Variants in SEPTIN2 observed in about 807,000 individuals in gnomAD.
SEPTIN2 encodes septin-2.
Under a neutral mutation model 46.5 loss-of-function variants are expected in SEPTIN2, and 34 were observed. The ratio of observed to expected loss-of-function variants is 0.73; its 90% CI spans 0.56 to 0.97. The LOEUF (loss-of-function observed/expected upper bound fraction) is 0.97, where lower values mean the gene tolerates loss of function less well. SEPTIN2 is among the 50% of genes least tolerant of loss of function. SEPTIN2 has a pLI of 0.00. For missense variants in SEPTIN2, 347 were observed against 448.4 expected, an observed-to-expected ratio of 0.77 and a Z score of 2.04; for synonymous variants, 175 against 153.4, an observed-to-expected ratio of 1.14 and a Z score of -1.04.
chr2:241,321,718 T>A (rs1259463637), intron 1 of SEPTIN2, among the ~76,000 whole-genome samples: 1 of 152,228 alleles, frequency 6.6e-6, no homozygotes, highest in Non-Finnish European at 1.5e-5. Flanking sequence ...TTTTGTTTCT[T>A]CTTGTTCCTT....
chr2:241,346,112 C>T (rs1007314100), intron 9 of SEPTIN2, 54 bp from the exon 10 acceptor site: 15 of 1,326,904 alleles, frequency 1.1e-5, no homozygotes, highest in Admixed American at 9.4e-5. Flanking sequence ...TTTTTTTTCT[C>T]ATGAGAATGT....
intron 1 of SEPTIN2, among the ~76,000 whole-genome samples, chr2:241,322,776 C>G (rs912799214): frequency 1.1e-4 from 16 of 152,134 alleles, no homozygotes; most frequent in African/African-American, 3.9e-4. Flanking sequence ...CTCTAGGAAA[C>G]TCCAGTGGGT....
chr2:241,331,249 C>CA (rs1292166792), intron 3 of SEPTIN2, among the ~76,000 whole-genome samples: 5 of 152,290 alleles, frequency 3.3e-5, no homozygotes, highest in South Asian at 2.1e-4. Context: ...TTAACAGTCA[C>CA]AAAAAATATT....
rs2078177212 is a variant in SEPTIN2 at position 241,327,429 on chromosome 2, TTGAA to T, written c.130+1319_130+1322del. ...GGAAAAGCTGGAAAAAAAAAAGAAATTGAATGTGCCCTCAGTGTCCTTTGGTACA... is the reference window on the plus strand; with the variant it reads ...GGAAAAGCTGGAAAAAAAAAAGAAATTGTGCCCTCAGTGTCCTTTGGTACA... On this transcript the variant is annotated intron_variant, in intron 3 of 12. Transcript: ENST00000391971. 7.3e-5 allele frequency among the ~76,000 whole-genome samples: 11 copies of T among 150,176 alleles called. No individual in the cohort carries two copies. The South Asian group carries it at 2.3e-3, about 32-fold the overall frequency.
At chr2:241,347,895 A>G (rs1328967608) in intron 10 of SEPTIN2, among the ~76,000 whole-genome samples, 1 of 152,134 alleles carries the variant, frequency 6.6e-6, no homozygotes, top group Non-Finnish European at 1.5e-5. Flanking sequence ...CGTGCCTGTA[A>G]TGCCAGTTAC....
chr2:241,317,786 T>C (rs1186247402), intron 1 of SEPTIN2, among the ~76,000 whole-genome samples: 2 of 152,210 alleles, frequency 1.3e-5, no homozygotes, highest in Non-Finnish European at 2.9e-5. Context: ...GTTCATCTTC[T>C]ATCTTTTGTT....
chr2:241,333,521 G>GTT (rs1400242328), intron 3 of SEPTIN2, among the ~76,000 whole-genome samples: 1 of 152,072 alleles, frequency 6.6e-6, no homozygotes, highest in Non-Finnish European at 1.5e-5. Context: ...GTTTTGTTTT[G>GTT]TTTTTTGAGA....
intron 7 of SEPTIN2, among the ~76,000 whole-genome samples, chr2:241,340,593 CT>C (rs1309652770): frequency 7.2e-5 from 11 of 152,122 alleles, no homozygotes; most frequent in Admixed American, 7.2e-4. Flanking sequence ...GGAACTTCAC[CT>C]TTTGTACTCT....
Position 241,335,221 on chromosome 2 carries a change from A to G in SEPTIN2, c.217+9A>G, listed in dbSNP as rs754481324. ...CATACCTGGAGCAGCAGGTAAAAACATTCTTATGTTACTGTAAGTGTAATT... is the reference window on the plus strand; with the variant it reads ...CATACCTGGAGCAGCAGGTAAAAACGTTCTTATGTTACTGTAAGTGTAATT... On this transcript the variant is annotated intron_variant, in intron 4 of 12. Coordinates refer to ENST00000391971, the MANE Select transcript of SEPTIN2 (RefSeq NM_004404.5). 10 of 1,611,352 alleles carry G rather than the reference A, an allele frequency of 6.2e-6. No individual in the cohort carries two copies. The highest frequency in any genetic ancestry group is 3.3e-5 in the Admixed American group (2 of 59,800).
chr2:241,345,567 G>A (rs2081909094), intron 9 of SEPTIN2, among the ~76,000 whole-genome samples: 2 of 152,154 alleles, frequency 1.3e-5, no homozygotes, highest in African/African-American at 4.8e-5. Context: ...ATTCTTGCCT[G>A]CTTTTAAGTA....
At chr2:241,344,772 A>G (rs554634002) in intron 9 of SEPTIN2, among the ~76,000 whole-genome samples, 2 of 152,324 alleles carry the variant, frequency 1.3e-5, no homozygotes, top group African/African-American at 2.4e-5. Flanking sequence ...TACTCTTGAA[A>G]AAAGAGGCTG....
intron 3 of SEPTIN2, among the ~76,000 whole-genome samples, chr2:241,334,338 A>AAATACGAAATTT (rs2079543549): frequency 6.6e-6 from 1 of 152,214 alleles, no homozygotes; most frequent in Non-Finnish European, 1.5e-5. Context: ...GCAATGAAGC[A>AAATACGAAATTT]GTGGGATTTG....
rs572131134 is a variant in SEPTIN2 at position 241,337,706 on chromosome 2, A to C, written c.510A>C (p.Ala170=). Residue 170 remains alanine (A), a synonymous_variant, in exon 7 of 13, where the codon GCA becomes GCC. Transcript: ENST00000391971. ...LKPLDVAFMK[A]IHNKVNIVPV... ...CCTTAGATGTGGCGTTTATGAAGGC[A>C]ATACACAACAAGGTGAATATTGTGC... 17 of 1,614,078 alleles carry C rather than the reference A, an allele frequency of 1.1e-5. No individual in the cohort carries two copies. The highest frequency in any genetic ancestry group is 1.4e-5 in the Non-Finnish European group (17 of 1,179,986).
chr2:241,351,917 C>T (rs973908688), intron 12 of SEPTIN2, 50 bp from the exon 13 acceptor site: 1 of 152,550 alleles, frequency 6.6e-6, no homozygotes, highest in Non-Finnish European at 1.5e-5. Flanking sequence ...ATTAACGCAG[C>T]AGACATTGCC....
rs2060845838 is a variant in SEPTIN2, at chr2:241,352,228, G to GTTAAATTTATATTAA, written c.*291_*292insTTAAATTTATATTAA. On this transcript the variant is annotated 3_prime_UTR_variant, in exon 13 of 13. Coordinates refer to ENST00000391971, the MANE Select transcript of SEPTIN2 (RefSeq NM_004404.5). Reference sequence around the variant, plus strand: ...ATGTTAGAATTGATTTCCAAGAATCGGCATGTATACTTAATACTGAATTTC... The same window carrying GTTAAATTTATATTAA: ...ATGTTAGAATTGATTTCCAAGAATCGTTAAATTTATATTAAGCATGTATACTTAATACTGAATTTC... 6.6e-6 allele frequency: 1 copy of GTTAAATTTATATTAA among 152,504 alleles called. No homozygotes were observed. Among genetic ancestry groups the GTTAAATTTATATTAA allele is most frequent in the Non-Finnish European group, 1.5e-5 (1 of 68,012 alleles). The allele number at this position is 152,504 out of a possible 1,614,324, so 9.4% of individuals were successfully genotyped here. A position where few individuals can be genotyped will look rare whatever the true frequency, so the allele number is the denominator to read the frequency against.
At chr2:241,343,124 A>G in intron 8 of SEPTIN2, 31 bp downstream of exon 8, 1 of 1,189,800 alleles carries the variant, frequency 8.4e-7, no homozygotes, top group Non-Finnish European at 1.3e-6. Flanking sequence ...CACAACATAA[A>G]TAACTCCTGT....
At chr2:241,344,076 C>G (rs908793525) in intron 9 of SEPTIN2, among the ~76,000 whole-genome samples, 179 bp downstream of exon 9, 2 of 152,156 alleles carry the variant, frequency 1.3e-5, no homozygotes, top group African/African-American at 4.8e-5. Flanking sequence ...GAACCCTCAC[C>G]CAGGGGCCCT....
At chr2:241,316,359 C>G in intron 1 of SEPTIN2, 1 of 751,630 alleles carries the variant, frequency 1.3e-6, no homozygotes. Flanking sequence ...GGTTTAGGCC[C>G]GACAAACACT....
chr2:241,343,935 C>T lies in SEPTIN2; in HGVS notation c.842+38C>T, dbSNP rs1476273419. 17 of 1,610,442 alleles carry T rather than the reference C, an allele frequency of 1.1e-5. No homozygotes were observed. In the Middle Eastern group the frequency reaches 6.6e-4, roughly 63 times the overall value. On this transcript the variant is annotated intron_variant, in intron 9 of 12. Coordinates refer to ENST00000391971, the MANE Select transcript of SEPTIN2 (RefSeq NM_004404.5). Reference sequence around the variant, plus strand: ...GTGTGTTCCTTCTGGCAGAATTTGGCGTGAAGAATATGGATTTCAGACGGG... The same window carrying T: ...GTGTGTTCCTTCTGGCAGAATTTGGTGTGAAGAATATGGATTTCAGACGGG...
Sources: allele counts gnomAD v4.1 joint callset (sites outside exome capture counted in the v4.1 genomes callset), GRCh38; gene constraint gnomAD v4.1.1; transcripts MANE v1.5; gene names NCBI Gene and HGNC (gene_info 2026-07-23, HGNC 2026-07-21).